Variants in CFAP61 observed in about 807,000 individuals in gnomAD.
CFAP61 encodes the protein cilia- and flagella-associated protein 61.
A neutral mutation model predicts 135.6 loss-of-function variants in CFAP61; 107 were observed. That is an observed-to-expected ratio of 0.79 (90% CI 0.67 to 0.93). CFAP61 has a LOEUF of 0.93. Among genes scored for constraint, CFAP61 ranks in the 40% least tolerant of loss-of-function variants. The pLI, the probability that CFAP61 is intolerant of heterozygous loss-of-function variation, is 0.00. For synonymous variants in CFAP61, 575 were observed against 578.5 expected (o/e 0.99, Z 0.09); for missense variants, 1,507 against 1,556.2 (o/e 0.97, Z 0.53).
At chr20:20,114,312 GA>G (rs1316243879) in intron 8 of CFAP61, among the ~76,000 whole-genome samples, 2 of 152,144 alleles carry the variant, frequency 1.3e-5, no homozygotes, top group Non-Finnish European at 2.9e-5. Flanking sequence ...TGGGGATCTT[GA>G]ATGGGATTGC....
intron 2 of CFAP61, among the ~76,000 whole-genome samples, chr20:20,060,646 A>G (rs2044725012): frequency 6.6e-6 from 1 of 152,220 alleles, no homozygotes; most frequent in Non-Finnish European, 1.5e-5. Context: ...ACATCCTGTC[A>G]CTTACGCCTT....
chr20:20,217,116 C>A (rs2048091643), intron 17 of CFAP61, among the ~76,000 whole-genome samples: 1 of 152,178 alleles, frequency 6.6e-6, no homozygotes, highest in Non-Finnish European at 1.5e-5. Flanking sequence ...TTCCTTTGAA[C>A]TTTGTAGCCT....
intron 26 of CFAP61, among the ~76,000 whole-genome samples, chr20:20,349,499 C>T (rs189007759): frequency 0.011 from 1,666 of 152,226 alleles, 16 homozygotes; most frequent in Non-Finnish European, 0.015. Flanking sequence ...AGGGATCCTC[C>T]CTAAGACCCA....
chr20:20,323,388 CCCAGAAACCAAATAA>C, intron 25 of CFAP61: 1 of 796,158 alleles, frequency 1.3e-6, no homozygotes, highest in African/African-American at 1.9e-5. Context: ...AATTCAAATG[CCCAGAAACCAAATAA>C]TAGACCCATC....
intron 17 of CFAP61, among the ~76,000 whole-genome samples, chr20:20,216,795 AT>A (rs11475264): frequency 0.36 from 53,705 of 149,178 alleles, 9,832 homozygotes; most frequent in East Asian, 0.59. Flanking sequence ...TTCTATACCA[AT>A]TTTTTTTTTT....
intron 6 of CFAP61, among the ~76,000 whole-genome samples, chr20:20,076,863 AG>A (rs2046087200): frequency 6.6e-6 from 1 of 152,180 alleles, no homozygotes; most frequent in African/African-American, 2.4e-5. Flanking sequence ...AACTTACAAA[AG>A]GAACGTGACA....
chr20:20,319,881 A>G (rs2057348741), intron 25 of CFAP61, among the ~76,000 whole-genome samples: 1 of 152,150 alleles, frequency 6.6e-6, no homozygotes, highest in Non-Finnish European at 1.5e-5. Context: ...GCTGATATAG[A>G]AAAGGAGGCA....
chr20:20,211,776 G>A (rs1601424576), intron 17 of CFAP61, among the ~76,000 whole-genome samples: 1 of 152,170 alleles, frequency 6.6e-6, no homozygotes, highest in Non-Finnish European at 1.5e-5. Context: ...GGTAGTCACT[G>A]TAATTGTGGT....
At chr20:20,164,717 TTCTC>T (rs777451396) in intron 11 of CFAP61, among the ~76,000 whole-genome samples, 7 of 152,082 alleles carry the variant, frequency 4.6e-5, no homozygotes, top group Non-Finnish European at 8.8e-5. Flanking sequence ...AGGACCAAGT[TTCTC>T]TCTCTACCTC....
rs1049956366 is a variant in CFAP61 at position 20,270,424 on chromosome 20, A to G, written c.2504-6742A>G. On this transcript the variant is annotated intron_variant, in intron 21 of 26. Coordinates refer to ENST00000245957, the MANE Select transcript of CFAP61 (RefSeq NM_015585.4). ...GACTTTTTAGCATCTACTAAAAATAATTTCTTTAAAAGTTGTCCCATTACT... is the reference window on the plus strand; with the variant it reads ...GACTTTTTAGCATCTACTAAAAATAGTTTCTTTAAAAGTTGTCCCATTACT... Among the ~76,000 whole-genome samples the G allele has an allele frequency of 3.9e-5, 6 of 152,322 alleles. No homozygotes were observed. In the East Asian group the frequency reaches 1.2e-3, roughly 29 times the overall value.
At chr20:20,209,821 G>A (rs946459417) in intron 17 of CFAP61, among the ~76,000 whole-genome samples, 8 of 152,170 alleles carry the variant, frequency 5.3e-5, no homozygotes, top group Admixed American at 4.6e-4. Flanking sequence ...GAGGAGGCTG[G>A]GAGGGGAGGT....
At chr20:20,347,549 T>G (rs6046807) in intron 26 of CFAP61, among the ~76,000 whole-genome samples, 39,631 of 152,126 alleles carry the variant, frequency 0.26, 5,818 homozygotes, top group Admixed American at 0.35. Context: ...CTATCGACCT[T>G]ATGGAAATAA....
intron 22 of CFAP61, among the ~76,000 whole-genome samples, chr20:20,287,729 T>G (rs984789204): frequency 5.3e-5 from 8 of 152,234 alleles, no homozygotes; most frequent in Non-Finnish European, 1.5e-5. Context: ...TAGCATGCTT[T>G]TAATAAAGTG....
intron 21 of CFAP61, chr20:20,265,307 C>T (rs930779910): frequency 5.3e-6 from 4 of 756,998 alleles, no homozygotes; most frequent in Non-Finnish European, 9.8e-6. Context: ...GAAAGTGGCA[C>T]TGCAAGGTCT....
intron 21 of CFAP61, 115 bp downstream of exon 21, chr20:20,263,245 C>A (rs2052415932): frequency 4.4e-6 from 3 of 677,296 alleles, no homozygotes; most frequent in Non-Finnish European, 6.7e-6. Flanking sequence ...CCAACCAAAT[C>A]ATTCATCTGT....
intron 21 of CFAP61, among the ~76,000 whole-genome samples, chr20:20,273,041 ATT>A (rs998055743): frequency 7.9e-5 from 10 of 127,338 alleles, no homozygotes; most frequent in Non-Finnish European, 8.1e-5. Context: ...GCCATGCTTA[ATT>A]TTTTTTTTTT....
intron 8 of CFAP61, among the ~76,000 whole-genome samples, chr20:20,099,621 G>A (rs992801655): frequency 6.6e-6 from 1 of 152,094 alleles, no homozygotes; most frequent in Non-Finnish European, 1.5e-5. Flanking sequence ...GCCATGTAGA[G>A]TGCTTTGCAC....
intron 13 of CFAP61, among the ~76,000 whole-genome samples, chr20:20,173,720 T>C (rs28655689): frequency 1.2e-3 from 182 of 152,326 alleles, no homozygotes; most frequent in African/African-American, 3.6e-3. Context: ...TCAAGTAGAA[T>C]TTTTAAAAAT....
rs2059404063 is a variant in CFAP61 at position 20,359,684 on chromosome 20, A to AACAACC, written c.3514-521_3514-520insCACAAC. Among the ~76,000 whole-genome samples, 5 of 53,076 alleles carry AACAACC rather than the reference A, an allele frequency of 9.4e-5. No homozygotes were observed. In the South Asian group the frequency reaches 2.4e-3, roughly 26 times the overall value. The allele number at this position is 53,076 out of a possible 152,430, so 34.8% of individuals were successfully genotyped here. A position where few individuals can be genotyped will look rare whatever the true frequency, so the allele number is the denominator to read the frequency against. The stretch of plus-strand genomic sequence containing the variant: ...CGTCTCAAAAAGCAAAAAACAAAAC[A>AACAACC]ACAACAACAACAAAACAAGTATGAT... On this transcript the variant is annotated intron_variant, in intron 26 of 26. Transcript: ENST00000245957. This position sits in a 1 kb window ranked among gnomAD's most constrained non-coding sequence, Gnocchi z 4.0.
Sources: gnomAD v4.1 joint callset for allele counts (sites outside exome capture counted in the v4.1 genomes callset) on GRCh38, gnomAD v4.1.1 for gene constraint, Gnocchi (gnomAD v3.1) non-coding constraint, MANE v1.5 for transcripts, NCBI Gene and HGNC (gene_info 2026-07-23, HGNC 2026-07-21) for gene names.